The following PLBD1 variants were observed in gnomAD, a reference collection of about 807,000 sequenced individuals.
PLBD1 encodes lysosomal leucine aminopeptidase.
A neutral mutation model predicts 63.0 loss-of-function variants in PLBD1; 60 were observed. That is an observed-to-expected ratio of 0.95 (90% CI 0.77 to 1.18). The LOEUF is 1.18. Among genes scored for constraint, PLBD1 ranks in the 50% most tolerant of loss-of-function variants. The pLI is 0.00. For missense variants in PLBD1, 598 were observed against 677.9 expected, an observed-to-expected ratio of 0.88 and a Z score of 1.31; for synonymous variants, 262 against 248.0, an observed-to-expected ratio of 1.06 and a Z score of -0.53.
chr12:14,562,200 T>G (rs1319895432), intron 1 of PLBD1, among the ~76,000 whole-genome samples: 1 of 152,140 alleles, frequency 6.6e-6, no homozygotes, highest in Non-Finnish European at 1.5e-5. Flanking sequence ...AGCTCATGCC[T>G]GTAATCCCAG....
At chr12:14,567,546 C>A in intron 1 of PLBD1, 36 bp downstream of exon 1, 1 of 1,465,210 alleles carries the variant, frequency 6.8e-7, no homozygotes, top group South Asian at 1.3e-5. Flanking sequence ...TAGGAGCCTC[C>A]CCGGGCGCCC....
intron 2 of PLBD1, among the ~76,000 whole-genome samples, chr12:14,544,297 C>A (rs1431597433): frequency 2.0e-5 from 3 of 152,178 alleles, no homozygotes; most frequent in African/African-American, 7.2e-5. Context: ...CCTCAGCCTC[C>A]CGAGTAGCTG....
intron 8 of PLBD1, 103 bp downstream of exon 8, chr12:14,511,157 C>CA: frequency 2.7e-6 from 3 of 1,120,780 alleles, no homozygotes; most frequent in East Asian, 2.7e-5. Flanking sequence ...TCTTCCCCAC[C>CA]ATACCCTCCC....
chr12:14,560,287 A>G (rs1945735697), intron 1 of PLBD1, among the ~76,000 whole-genome samples: 1 of 152,226 alleles, frequency 6.6e-6, no homozygotes, highest in African/African-American at 2.4e-5. Context: ...ATTCTATAAT[A>G]ATTTTTCTAG....
chr12:14,560,999 T>C (rs749718944), intron 1 of PLBD1, among the ~76,000 whole-genome samples: 1 of 151,892 alleles, frequency 6.6e-6, no homozygotes. Flanking sequence ...CATGTCTGCA[T>C]GTGCTCCAGG....
At chr12:14,522,609 C>CA (rs1945385857) in intron 6 of PLBD1, among the ~76,000 whole-genome samples, 1 of 151,892 alleles carries the variant, frequency 6.6e-6, no homozygotes, top group South Asian at 2.1e-4. Context: ...CAAAACTCCT[C>CA]AAAAAAATAT....
intron 3 of PLBD1, among the ~76,000 whole-genome samples, chr12:14,541,143 A>G (rs567500336): frequency 1.3e-5 from 2 of 152,346 alleles, no homozygotes; most frequent in South Asian, 2.1e-4. Context: ...GAACAAAAGC[A>G]TAAGTGTGAT....
chr12:14,551,450 G>A (rs1945658878), intron 2 of PLBD1, among the ~76,000 whole-genome samples: 1 of 152,122 alleles, frequency 6.6e-6, no homozygotes, highest in South Asian at 2.1e-4. Flanking sequence ...TTTTTGGCTA[G>A]TGGATAAAGT....
intron 9 of PLBD1, 57 bp downstream of exon 9, chr12:14,506,876 A>G: frequency 6.7e-7 from 1 of 1,489,680 alleles, no homozygotes; most frequent in Non-Finnish European, 9.3e-7. Context: ...TGGATTCTGT[A>G]TCCATAGGGA....
chr12:14,524,748 A>C (rs1945404158), intron 6 of PLBD1, among the ~76,000 whole-genome samples: 1 of 152,216 alleles, frequency 6.6e-6, no homozygotes, highest in Admixed American at 6.5e-5. Context: ...AGTCACTGGA[A>C]ACTGTTTCCA....
intron 1 of PLBD1, among the ~76,000 whole-genome samples, chr12:14,561,662 C>A (rs1945742943): frequency 6.6e-6 from 1 of 152,196 alleles, no homozygotes; most frequent in Non-Finnish European, 1.5e-5. Context: ...TCAAGCAATT[C>A]TCCTGCCTCA....
At chr12:14,523,753 T>C (rs79727753) in intron 6 of PLBD1, among the ~76,000 whole-genome samples, 4,393 of 152,246 alleles carry the variant, frequency 0.029, 188 homozygotes, top group African/African-American at 0.1. Context: ...AAATGGTGCT[T>C]GGAAAACTGG....
At position 14,503,784 on chromosome 12, in the gene PLBD1, A is replaced by T. The variant is rs1276432444; in HGVS notation, c.1650T>A (p.Leu550=). The T allele has an allele frequency of 6.2e-7, 1 of 1,612,588 alleles. No individual in the cohort carries two copies. The highest frequency in any genetic ancestry group is 8.5e-7 in the Non-Finnish European group (1 of 1,178,894). Residue 550 remains leucine, a synonymous_variant, in exon 11 of 11, where the codon CTT becomes CTA. Transcript: ENST00000240617. ...TCATCTCCCTCCTTCATTTTATATC[A>T]AGTTTCAAAATTGGTTTCATGGTAA... ...DFITMKPILK[L]DIK is the part of the protein sequence containing the mutation.
chr12:14,531,993 C>T (rs1945467903), intron 6 of PLBD1, among the ~76,000 whole-genome samples: 1 of 152,092 alleles, frequency 6.6e-6, no homozygotes, highest in East Asian at 1.9e-4. Context: ...GGCTAAAAGC[C>T]CCAGGAAAAT....
intron 6 of PLBD1, among the ~76,000 whole-genome samples, chr12:14,516,284 G>A (rs535842278): frequency 1.3e-5 from 2 of 152,178 alleles, no homozygotes; most frequent in African/African-American, 2.4e-5. Flanking sequence ...AGCCGAGATC[G>A]CGCCATTGCA....
At chr12:14,518,051 C>T (rs1044857190) in intron 6 of PLBD1, among the ~76,000 whole-genome samples, 3 of 152,096 alleles carry the variant, frequency 2.0e-5, no homozygotes, top group South Asian at 2.1e-4. Context: ...CGTGGTCACA[C>T]ACACCTGTAA....
intron 6 of PLBD1, among the ~76,000 whole-genome samples, chr12:14,520,472 CAAAA>C (rs1258909414): frequency 1.4e-5 from 2 of 146,622 alleles, no homozygotes; most frequent in African/African-American, 5.5e-5. Flanking sequence ...AAAACAACAA[CAAAA>C]AAAGTAAAAC....
At position 14,567,713 on chromosome 12, in the gene PLBD1, C is replaced by A; in HGVS notation, c.-17G>T. ...GCGGGTCATCGCTCCACGGCCGCGA[C>A]CTTCCTCTGCGGGATCAGGCGGCCG... On this transcript the variant is annotated 5_prime_UTR_variant, in exon 1 of 11. Transcript: ENST00000240617. 1 of 1,414,682 alleles carries A rather than the reference C, an allele frequency of 7.1e-7. No homozygotes were observed. The highest frequency in any genetic ancestry group is 9.1e-7 in the Non-Finnish European group (1 of 1,098,326). The allele number at this position is 1,414,682 out of a possible 1,614,324, so 87.6% of individuals were successfully genotyped here. A position where few individuals can be genotyped will look rare whatever the true frequency, so the allele number is the denominator to read the frequency against.
At chr12:14,555,685 A>G (rs1945697975) in intron 1 of PLBD1, among the ~76,000 whole-genome samples, 1 of 152,182 alleles carries the variant, frequency 6.6e-6, no homozygotes, top group South Asian at 2.1e-4. Flanking sequence ...CCAACCTGCC[A>G]GTAACTAGGT....
Sources: gnomAD v4.1 joint callset for allele counts (sites outside exome capture counted in the v4.1 genomes callset) on GRCh38, gnomAD v4.1.1 for gene constraint, MANE v1.5 for transcripts, NCBI Gene and HGNC (gene_info 2026-07-23, HGNC 2026-07-21) for gene names.